Variants in VPS4B observed in about 807,000 individuals in gnomAD.
VPS4B encodes the protein vacuolar protein sorting 4 homolog B, also known as vacuolar protein sorting-associated protein 4B.
In VPS4B, 23 loss-of-function variants were observed where a neutral mutation model predicts 56.1. The observed-to-expected ratio is 0.41, with a 90% CI of 0.30 to 0.58. The LOEUF (loss-of-function observed/expected upper bound fraction) is 0.58, where lower values mean the gene tolerates loss of function less well. Among genes scored for constraint, VPS4B ranks in the 20% least tolerant of loss-of-function variants. The pLI is 0.29. For synonymous variants in VPS4B, 177 were observed against 186.0 expected (o/e 0.95, Z 0.39); for missense variants, 372 against 531.9 (o/e 0.70, Z 2.96).
At chr18:63,399,363 T>C (rs1410695938) in intron 7 of VPS4B, 40 bp from the exon 8 acceptor site, 3 of 1,572,200 alleles carry the variant, frequency 1.9e-6, no homozygotes, top group African/African-American at 1.4e-5. Context: ...ATTTGTCATT[T>C]TGGTGTTCTT....
At chr18:63,392,852 G>A (rs555670500) in intron 10 of VPS4B, among the ~76,000 whole-genome samples, 2 of 152,028 alleles carry the variant, frequency 1.3e-5, no homozygotes, top group South Asian at 2.1e-4. Flanking sequence ...CCTGGTTCAC[G>A]TGATTCTCCT....
intron 1 of VPS4B, among the ~76,000 whole-genome samples, chr18:63,413,533 C>A (rs1916093117): frequency 7.5e-6 from 1 of 133,358 alleles, no homozygotes. Flanking sequence ...AGTGAGACTC[C>A]ACCTCAAAAA....
chr18:63,407,161 TAAAC>T (rs935430973), intron 4 of VPS4B, among the ~76,000 whole-genome samples: 1 of 152,168 alleles, frequency 6.6e-6, no homozygotes, highest in East Asian at 1.9e-4. Flanking sequence ...AGGCGGCAAA[TAAAC>T]AAAAAGAAAG....
At chr18:63,414,684 C>T (rs1026994042) in intron 1 of VPS4B, among the ~76,000 whole-genome samples, 2 of 152,194 alleles carry the variant, frequency 1.3e-5, no homozygotes, top group African/African-American at 4.8e-5. Context: ...ATACACCTGC[C>T]TCAGCCTCCC....
intron 8 of VPS4B, 23 bp downstream of exon 8, chr18:63,399,219 A>T: frequency 6.3e-7 from 1 of 1,575,604 alleles, no homozygotes; most frequent in Non-Finnish European, 8.7e-7. Context: ...GTGAGAAATA[A>T]GATATTTACT....
chr18:63,422,211 G>T, intron 1 of VPS4B, 22 bp downstream of exon 1: 5 of 1,503,076 alleles, frequency 3.3e-6, no homozygotes, highest in Non-Finnish European at 4.4e-6. Flanking sequence ...TCCCTAGGGG[G>T]ACGGGAGATG....
At chr18:63,397,362 T>C (rs1417347746) in intron 8 of VPS4B, 109 bp from the exon 9 acceptor site, 2 of 975,788 alleles carry the variant, frequency 2.0e-6, no homozygotes, top group Non-Finnish European at 2.9e-6. Flanking sequence ...GTTAAACATA[T>C]ATATTTAGGT....
chr18:63,396,897 T>C, intron 9 of VPS4B, 137 bp downstream of exon 9: 1 of 740,376 alleles, frequency 1.4e-6, no homozygotes, highest in Admixed American at 2.7e-5. Flanking sequence ...GGCTAAGGCA[T>C]GAGAATTGCT....
Position 63,390,880 on chromosome 18 carries a change from AAG to A in VPS4B, c.*93_*94del. 1 of 821,634 alleles carries A rather than the reference AAG, an allele frequency of 1.2e-6. No individual in the cohort carries two copies. Among genetic ancestry groups the A allele is most frequent in the East Asian group, 2.7e-5 (1 of 36,764 alleles). 50.9% of individuals were successfully genotyped at this position (821,634 alleles called of 1,614,324 possible). On this transcript the variant is annotated 3_prime_UTR_variant, in exon 11 of 11. Coordinates refer to ENST00000238497, the MANE Select transcript of VPS4B (RefSeq NM_004869.4). ...TGAGATGTGTATTTCCCTGTGGTAA[AAG>A]AGTTTTACTGGAAACAATTAATGCG...
At chr18:63,395,129 G>T (rs1915641276) in intron 9 of VPS4B, among the ~76,000 whole-genome samples, 1 of 152,196 alleles carries the variant, frequency 6.6e-6, no homozygotes, top group African/African-American at 2.4e-5. Context: ...TCATCTGGCT[G>T]TGTCACCTTC....
intron 3 of VPS4B, among the ~76,000 whole-genome samples, chr18:63,408,853 A>G (rs1915972625): frequency 6.6e-6 from 1 of 152,230 alleles, no homozygotes; most frequent in Admixed American, 6.5e-5. Flanking sequence ...CTTGTCAGGT[A>G]ATCATCTCAG....
rs1338159231 is a variant in VPS4B at position 63,411,454 on chromosome 18, C to T, written c.139+13G>A. On this transcript the variant is annotated intron_variant, in intron 2 of 10. Coordinates refer to ENST00000238497, the MANE Select transcript of VPS4B (RefSeq NM_004869.4). ...TTTCGTGTTTTTAAATAAAATATAACCTATGGCCTCACATTTAACGACATG... is the reference window on the plus strand; with the variant it reads ...TTTCGTGTTTTTAAATAAAATATAATCTATGGCCTCACATTTAACGACATG... 8 of 1,499,474 alleles carry T rather than the reference C, an allele frequency of 5.3e-6. No individual in the cohort carries two copies. Among genetic ancestry groups the T allele is most frequent in the East Asian group, 4.7e-5 (2 of 42,660 alleles). 92.9% of individuals were successfully genotyped at this position (1,499,474 alleles called of 1,614,324 possible).
At chr18:63,415,901 C>T (rs939646477) in intron 1 of VPS4B, 32 of 202,360 alleles carry the variant, frequency 1.6e-4, no homozygotes, top group Non-Finnish European at 3.2e-5. Context: ...CCTAGAGGTC[C>T]GTACAGCAGT....
chr18:63,407,446 T>G lies in VPS4B; in HGVS notation c.350A>C (p.Gln117Pro), dbSNP rs1205274888. Residue 117 changes from glutamine (Q) to proline (P), a missense_variant, in exon 4 of 11, where the codon CAG becomes CCG. Physicochemically the swap from Gln to Pro is moderately conservative, Grantham distance 76 (BLOSUM62 -1). Transcript: ENST00000238497. ...TCTAAAGCAACCTTGAAGTTGATTC[T>G]GTAGTTTCTTTTTTTCAGGATCATC... ...ESDDPEKKKL[Q>P]NQLQGAIVIE... 1 of 1,609,232 alleles carries G rather than the reference T, an allele frequency of 6.2e-7. No individual in the cohort carries two copies. Among genetic ancestry groups the G allele is most frequent in the East Asian group, 2.2e-5 (1 of 44,728 alleles).
intron 9 of VPS4B, 138 bp from the exon 10 acceptor site, chr18:63,393,687 A>G: frequency 1.1e-6 from 1 of 947,248 alleles, no homozygotes; most frequent in Non-Finnish European, 1.4e-6. Context: ...AAAAATTAAG[A>G]ATATACAACA....
intron 10 of VPS4B, among the ~76,000 whole-genome samples, chr18:63,391,446 C>A (rs1477931620): frequency 6.6e-6 from 1 of 152,190 alleles, no homozygotes; most frequent in Non-Finnish European, 1.5e-5. Context: ...TCAGGCTGGT[C>A]TCGAACCCCT....
chr18:63,394,930 TG>T (rs1446088516), intron 9 of VPS4B, among the ~76,000 whole-genome samples: 4 of 152,254 alleles, frequency 2.6e-5, no homozygotes, highest in African/African-American at 9.6e-5. Flanking sequence ...TTGTCTTTTT[TG>T]ACTGCTCTAC....
At chr18:63,395,205 G>T (rs554520772) in intron 9 of VPS4B, among the ~76,000 whole-genome samples, 4 of 152,162 alleles carry the variant, frequency 2.6e-5, no homozygotes, top group Non-Finnish European at 5.9e-5. Flanking sequence ...ATGCAGAATT[G>T]AGTGACAAAC....
At chr18:63,411,433 G>A (rs577097197) in intron 2 of VPS4B, 34 bp downstream of exon 2, 215 of 1,403,394 alleles carry the variant, frequency 1.5e-4, no homozygotes, top group Middle Eastern at 9.4e-4. Flanking sequence ...TTTCCTTTTC[G>A]TGTTTTTAAA....
Sources: allele counts gnomAD v4.1 joint callset (sites outside exome capture counted in the v4.1 genomes callset), GRCh38; gene constraint gnomAD v4.1.1; transcripts MANE v1.5; gene names NCBI Gene and HGNC (gene_info 2026-07-23, HGNC 2026-07-21).